The following GAD2 variants were observed in gnomAD, a reference collection of about 807,000 sequenced individuals.
The protein encoded by GAD2 is 65 kDa glutamic acid decarboxylase.
Under a neutral mutation model 80.1 loss-of-function variants are expected in GAD2, and 22 were observed. The ratio of observed to expected loss-of-function variants is 0.27; its 90% CI spans 0.20 to 0.39. GAD2 has a LOEUF of 0.39. Among genes scored for constraint, GAD2 ranks in the 10% least tolerant of loss-of-function variants. The probability of loss-of-function intolerance (pLI) is 1.00; values close to 1 mark genes in which losing one functional copy is unlikely to be tolerated. For missense variants in GAD2, 624 were observed against 738.4 expected, an observed-to-expected ratio of 0.85 and a Z score of 1.80; for synonymous variants, 274 against 256.9, an observed-to-expected ratio of 1.07 and a Z score of -0.64.
intron 12 of GAD2, among the ~76,000 whole-genome samples, chr10:26,283,150 G>T (rs1036141289): frequency 6.6e-6 from 1 of 152,208 alleles, no homozygotes; most frequent in African/African-American, 2.4e-5. Flanking sequence ...TCTACTGACT[G>T]GCAATTTGAT....
At chr10:26,250,799 A>T (rs1025804977) in intron 8 of GAD2, among the ~76,000 whole-genome samples, 1 of 151,834 alleles carries the variant, frequency 6.6e-6, no homozygotes, top group Non-Finnish European at 1.5e-5. Flanking sequence ...CTGTACAAAG[A>T]TCATCGCTAA....
At chr10:26,291,867 A>G (rs1433653974) in intron 13 of GAD2, among the ~76,000 whole-genome samples, 1 of 152,252 alleles carries the variant, frequency 6.6e-6, no homozygotes, top group Non-Finnish European at 1.5e-5. Context: ...TTCACCCATT[A>G]CAGACACGTG....
intron 8 of GAD2, among the ~76,000 whole-genome samples, chr10:26,264,312 C>CTTT (rs373732623): frequency 5.2e-4 from 68 of 129,762 alleles, no homozygotes; most frequent in Non-Finnish European, 7.6e-4. Context: ...AGATTTCAAG[C>CTTT]TTTTTTTTTT....
chr10:26,263,562 T>C (rs1385385201), intron 8 of GAD2, among the ~76,000 whole-genome samples: 2 of 152,224 alleles, frequency 1.3e-5, no homozygotes, highest in Admixed American at 6.5e-5. Flanking sequence ...AACAATTTTT[T>C]CCCCAAGTCA....
chr10:26,280,241 A>G (rs1260768774), intron 11 of GAD2, among the ~76,000 whole-genome samples: 1 of 152,162 alleles, frequency 6.6e-6, no homozygotes, highest in Non-Finnish European at 1.5e-5. Context: ...AACTCCAAAA[A>G]ACTGAGACAG....
intron 9 of GAD2, among the ~76,000 whole-genome samples, chr10:26,270,023 C>T (rs1016956193): frequency 3.3e-5 from 5 of 152,272 alleles, no homozygotes; most frequent in African/African-American, 1.2e-4. Flanking sequence ...GGGACTATGG[C>T]GATCCTGTTT....
chr10:26,221,595 C>T (rs1257601659), intron 4 of GAD2, among the ~76,000 whole-genome samples: 2 of 152,104 alleles, frequency 1.3e-5, no homozygotes, highest in South Asian at 4.2e-4. Context: ...TGAGTGTTGC[C>T]AGGACATAAA....
At chr10:26,224,168 C>T (rs1461603962) in intron 5 of GAD2, among the ~76,000 whole-genome samples, 191 bp downstream of exon 5, 1 of 151,640 alleles carries the variant, frequency 6.6e-6, no homozygotes, top group Non-Finnish European at 1.5e-5. Context: ...TAATCAAACT[C>T]TACAAAATTT....
chr10:26,295,365 A>G (rs1383757065), intron 15 of GAD2, among the ~76,000 whole-genome samples: 2 of 152,210 alleles, frequency 1.3e-5, no homozygotes. Flanking sequence ...AGATTTGGAA[A>G]TGAAAATAGA....
chr10:26,287,676 T>G (rs1184586341), intron 13 of GAD2, among the ~76,000 whole-genome samples: 1 of 152,218 alleles, frequency 6.6e-6, no homozygotes, highest in Non-Finnish European at 1.5e-5. Flanking sequence ...TTTTGCAGTC[T>G]TATGTGACAG....
In GAD2 at chr10:26,217,593, C is replaced by T. The variant is rs925405508; in HGVS notation, c.77-17C>T. ...CTCTTTCTGCCTCGCTGTCTGCCTG[C>T]CTATTCTTCCTTGCAGCGCGAGCCT... On this transcript the variant is annotated splice_polypyrimidine_tract_variant and intron_variant, in intron 1 of 15. Transcript: ENST00000376261. The surrounding 1 kb of genome is among the most constrained non-coding windows in gnomAD (Gnocchi z 4.9). 3 of 1,609,416 alleles carry T rather than the reference C, an allele frequency of 1.9e-6. No individual in the cohort carries two copies. The highest frequency in any genetic ancestry group is 1.3e-5 in the African/African-American group (1 of 74,872).
intron 15 of GAD2, among the ~76,000 whole-genome samples, chr10:26,294,321 A>G (rs192510770): frequency 6.6e-6 from 1 of 152,052 alleles, no homozygotes; most frequent in Non-Finnish European, 1.5e-5. Context: ...TGTAGATATA[A>G]AACCTTCACT....
chr10:26,272,597 C>T (rs960266057), intron 10 of GAD2, among the ~76,000 whole-genome samples: 4 of 152,228 alleles, frequency 2.6e-5, no homozygotes, highest in Non-Finnish European at 5.9e-5. Context: ...GGTGCAGTGT[C>T]TCACGCCTGT....
chr10:26,240,220 G>A (rs1164725545), intron 7 of GAD2, among the ~76,000 whole-genome samples: 1 of 152,202 alleles, frequency 6.6e-6, no homozygotes, highest in Non-Finnish European at 1.5e-5. Context: ...CCATTAAAGA[G>A]TGAAGGAGCT....
chr10:26,252,762 G>A (rs572262590), intron 8 of GAD2, among the ~76,000 whole-genome samples: 151 of 152,018 alleles, frequency 9.9e-4, no homozygotes, highest in African/African-American at 3.5e-3. Flanking sequence ...GGGTTCAAGC[G>A]ATTCACCTGT....
chr10:26,273,207 C>A (rs75004276), intron 10 of GAD2, among the ~76,000 whole-genome samples: 98 of 152,328 alleles, frequency 6.4e-4, no homozygotes, highest in Non-Finnish European at 1.3e-3. Flanking sequence ...TATGAAGCCA[C>A]TTCTTATTTC....
At chr10:26,292,381 G>A (rs1834225285) in intron 13 of GAD2, 84 bp from the exon 14 acceptor site, 9 of 985,046 alleles carry the variant, frequency 9.1e-6, no homozygotes, top group Admixed American at 7.4e-5. Flanking sequence ...AGACAGAGAC[G>A]GCAGGATGAC....
intron 10 of GAD2, among the ~76,000 whole-genome samples, chr10:26,272,537 G>A (rs1214000030): frequency 2.2e-5 from 3 of 136,542 alleles, no homozygotes; most frequent in African/African-American, 3.4e-5. Context: ...TCTTAAAATA[G>A]TACACGTTTG....
At chr10:26,277,477 C>A (rs1845223157) in intron 11 of GAD2, among the ~76,000 whole-genome samples, 1 of 152,156 alleles carries the variant, frequency 6.6e-6, no homozygotes, top group Non-Finnish European at 1.5e-5. Context: ...GCTGCAGGAG[C>A]CGTAGTGGGC....
Sources: allele counts gnomAD v4.1 joint callset (sites outside exome capture counted in the v4.1 genomes callset), GRCh38; gene constraint gnomAD v4.1.1; non-coding constraint Gnocchi (gnomAD v3.1); transcripts MANE v1.5; gene names NCBI Gene and HGNC (gene_info 2026-07-23, HGNC 2026-07-21).